Variants in COL5A3 observed in about 807,000 individuals in gnomAD.
COL5A3 encodes collagen alpha-3(V) chain.
A neutral mutation model predicts 250.0 loss-of-function variants in COL5A3; 172 were observed. That is an observed-to-expected ratio of 0.69 (90% CI 0.61 to 0.78). The LOEUF (loss-of-function observed/expected upper bound fraction) is 0.78, where lower values mean the gene tolerates loss of function less well. Ranked by LOEUF, COL5A3 falls within the 30% of genes least tolerant of loss-of-function variation. The probability of loss-of-function intolerance (pLI) is 0.00; values close to 1 mark genes in which losing one functional copy is unlikely to be tolerated. For missense variants in COL5A3, 2,340 were observed against 2,334.4 expected (o/e 1.00, Z -0.05); for synonymous variants, 937 against 900.4 (o/e 1.04, Z -0.73).
At position 9,976,603 on chromosome 19, in the gene COL5A3, A is replaced by T; in HGVS notation, c.3297T>A (p.Pro1099=). Residue 1099 remains proline, a synonymous_variant, in exon 45 of 67, where the codon CCT becomes CCA. Transcript: ENST00000264828. ...CAGGACCCCGTATCCCTGGTTGTCC[A>T]GGTGGGCCCTGGGAGAACAGGAAAC... is the stretch of plus-strand genomic sequence containing the variant. ...SKGDKGDAGP[P]GQPGIRGPAG... is the part of the protein sequence containing the mutation. 3 of 1,576,038 alleles carry T rather than the reference A, an allele frequency of 1.9e-6. No homozygotes were observed. The highest frequency in any genetic ancestry group is 2.6e-6 in the Non-Finnish European group (3 of 1,165,382).
In COL5A3 at chr19:9,966,726, A is replaced by G. The variant is rs763616893; in HGVS notation, c.4479T>C (p.His1493=). Reference sequence around the variant, plus strand: ...CGAAGCGCCGGCGCCTGCGCAGCCCATGCAGCTCGGCAGGGGCACCCTGGG... The same window carrying G: ...CGAAGCGCCGGCGCCTGCGCAGCCCGTGCAGCTCGGCAGGGGCACCCTGGG... ...PGPPGAPAEL[H]GLRRRRRFVP... Residue 1493 remains histidine (H), a synonymous_variant, in exon 63 of 67, where the codon CAT becomes CAC. Coordinates refer to ENST00000264828, the MANE Select transcript of COL5A3 (RefSeq NM_015719.4). 2 of 1,536,060 alleles carry G rather than the reference A, an allele frequency of 1.3e-6. No individual in the cohort carries two copies. The highest frequency in any genetic ancestry group is 2.4e-5 in the South Asian group (2 of 84,000).
At chr19:9,993,950 C>T (rs554570874) in intron 16 of COL5A3, 144 bp from the exon 17 acceptor site, 18 of 700,156 alleles carry the variant, frequency 2.6e-5, no homozygotes, top group East Asian at 1.1e-4. Context: ...TGCAGTGGCA[C>T]GTTCTCAGCT....
Position 9,997,399 on chromosome 19 carries a change from G to A in COL5A3, c.1235C>T (p.Pro412Leu), listed in dbSNP as rs777957384. ...VVGPSGPPGP[P>L]GFPGDPGPPG... The stretch of plus-strand genomic sequence containing the variant: ...TGGACCAGGGTCGCCAGGGAATCCT[G>A]GGGGGCCGGGAGGGCCTGAGGGGCC... Residue 412 changes from proline (P) to leucine (L), a missense_variant, in exon 11 of 67, where the codon CCA becomes CTA. This residue lies in a region of COL5A3 where 1,152 missense variants were observed against 1,146.3 expected (regional missense o/e 1.00). Coordinates refer to ENST00000264828, the MANE Select transcript of COL5A3 (RefSeq NM_015719.4). 6.2e-6 allele frequency: 10 copies of A among 1,609,264 alleles called. No homozygotes were observed. The highest frequency in any genetic ancestry group is 2.2e-5 in the East Asian group (1 of 44,792).
At position 9,979,384 on chromosome 19, in the gene COL5A3, C is replaced by G. The variant is rs376428115; in HGVS notation, c.2746G>C (p.Ala916Pro). The change falls in exon 38 of 67, where the codon GCT becomes CCT. Residue 916 changes from alanine (A) to proline (P), a missense_variant. Around this residue, in one of 3 missense-constraint regions of COL5A3, gnomAD observed 1,179 missense variants for 1,162.6 expected, o/e 1.01. Transcript: ENST00000264828. ...FQGQTGPPGP[A>P]GVLGPQGKTG... Reference sequence around the variant, plus strand: ...CTGACCTGAGGGCCTAAGACACCAGCTGGTCCAGGCGGGCCTGTCTGACCT... The same window carrying G: ...CTGACCTGAGGGCCTAAGACACCAGGTGGTCCAGGCGGGCCTGTCTGACCT... 1 of 1,614,116 alleles carries G rather than the reference C, an allele frequency of 6.2e-7. No homozygotes were observed. Among genetic ancestry groups the G allele is most frequent in the Non-Finnish European group, 8.5e-7 (1 of 1,180,008 alleles).
chr19:9,988,833 C>CAAAAAAAAAAAAAAAA (rs67181648), intron 27 of COL5A3, among the ~76,000 whole-genome samples: 3 of 39,420 alleles, frequency 7.6e-5, no homozygotes, highest in African/African-American at 1.2e-4. Flanking sequence ...GACTCTGTCT[C>CAAAAAAAAAAAAAAAA]AAAAAAAAAA....
intron 15 of COL5A3, 138 bp from the exon 16 acceptor site, chr19:9,995,755 C>T (rs959189240): frequency 4.8e-6 from 3 of 624,302 alleles, no homozygotes; most frequent in Non-Finnish European, 8.1e-6. Context: ...ATACTCCCTC[C>T]TCAGCCTCCC....
At chr19:9,992,987 C>CA in intron 20 of COL5A3, 36 bp downstream of exon 20, 1 of 1,611,692 alleles carries the variant, frequency 6.2e-7, no homozygotes, top group Non-Finnish European at 8.5e-7. Context: ...CCCTCCCCTG[C>CA]ACCAAGCAAG....
At chr19:9,970,295 G>GGA (rs2086818630) in intron 54 of COL5A3, among the ~76,000 whole-genome samples, 1 of 96,954 alleles carries the variant, frequency 1.0e-5, no homozygotes. Flanking sequence ...GTTGACTGAG[G>GGA]TCTGTGGGGT....
chr19:9,998,725 C>G (rs905696535), intron 8 of COL5A3, among the ~76,000 whole-genome samples: 1 of 151,550 alleles, frequency 6.6e-6, no homozygotes, highest in Non-Finnish European at 1.5e-5. Context: ...TGCTCTGTCC[C>G]CCAGGCTGGA....
At chr19:9,970,827 A>AT in intron 53 of COL5A3, 148 bp downstream of exon 53, 1 of 1,040,682 alleles carries the variant, frequency 9.6e-7, no homozygotes, top group Non-Finnish European at 1.3e-6. Context: ...AGCTGCTCAC[A>AT]TTCCTGGGGG....
In COL5A3 at chr19:9,968,903, G is replaced by A. The variant is rs532406726; in HGVS notation, c.4153-175C>T. 1.1e-5 allele frequency: 7 copies of A among 664,750 alleles called. No individual in the cohort carries two copies. In the Admixed American group the frequency reaches 1.1e-4, roughly 11 times the overall value. The allele number at this position is 664,750 out of a possible 1,614,324, so 41.2% of individuals were successfully genotyped here. On this transcript the variant is annotated intron_variant, in intron 57 of 66. Coordinates refer to ENST00000264828, the MANE Select transcript of COL5A3 (RefSeq NM_015719.4). This position sits in a 1 kb window ranked among gnomAD's most constrained non-coding sequence, Gnocchi z 4.1. ...AAGGTGGGATGATGAGAGCTAATGA[G>A]GGGTTGACTGGAGGATGGACAACGT...
In COL5A3 at chr19:9,989,383, C is replaced by G; in HGVS notation, c.2047-17G>C. Reference sequence around the variant, plus strand: ...TGGGTGACCCTGGGGAAGAAACATTCTCAGTTGTCAGAGACCAAAACTTGC... The same window carrying G: ...TGGGTGACCCTGGGGAAGAAACATTGTCAGTTGTCAGAGACCAAAACTTGC... On this transcript the variant is annotated splice_polypyrimidine_tract_variant and intron_variant, in intron 25 of 66. Coordinates refer to ENST00000264828, the MANE Select transcript of COL5A3 (RefSeq NM_015719.4). 1 of 1,614,200 alleles carries G rather than the reference C, an allele frequency of 6.2e-7. No homozygotes were observed. Among genetic ancestry groups the G allele is most frequent in the Non-Finnish European group, 8.5e-7 (1 of 1,180,006 alleles).
chr19:9,968,765 A>T lies in COL5A3; in HGVS notation c.4153-37T>A, dbSNP rs200628525. 2.6e-4 allele frequency: 412 copies of T among 1,582,244 alleles called. 1 individual carries two copies. The African/African-American group carries it at 5.0e-3, about 19-fold the overall frequency. Reference sequence around the variant, plus strand: ...GCAAGGGTCAGTTAGGGATTCTCAAATGTGAACTCGAGGTCTGTGTGGGTG... The same window carrying T: ...GCAAGGGTCAGTTAGGGATTCTCAATTGTGAACTCGAGGTCTGTGTGGGTG... On this transcript the variant is annotated intron_variant, in intron 57 of 66. Transcript: ENST00000264828. The surrounding 1 kb of genome is among the most constrained non-coding windows in gnomAD (Gnocchi z 4.1).
intron 54 of COL5A3, 35 bp from the exon 55 acceptor site, chr19:9,969,957 G>C (rs762829911): frequency 6.2e-7 from 1 of 1,603,472 alleles, no homozygotes; most frequent in Non-Finnish European, 8.5e-7. Flanking sequence ...GGGTCTAGGG[G>C]CTGACTGAGG....
intron 6 of COL5A3, 75 bp from the exon 7 acceptor site, chr19:10,001,956 T>G: frequency 9.9e-7 from 1 of 1,012,774 alleles, no homozygotes; most frequent in South Asian, 1.4e-5. Flanking sequence ...CCTCCCACTG[T>G]CCCCAGGAGC....
At position 9,971,268 on chromosome 19, in the gene COL5A3, A is replaced by G. The variant is rs368915926; in HGVS notation, c.3775-10T>C. The G allele has an allele frequency of 3.3e-5, 51 of 1,562,066 alleles. 1 individual carries two copies. In the African/African-American group the frequency reaches 6.7e-4, roughly 20 times the overall value. ...GCAGCCCCGTGGGGCCCTGGAACAC[A>G]GAATGATTAATAATCACATCTCTGA... On this transcript the variant is annotated splice_polypyrimidine_tract_variant and intron_variant, in intron 51 of 66. Transcript: ENST00000264828.
intron 51 of COL5A3, among the ~76,000 whole-genome samples, chr19:9,972,030 A>C (rs2086854947): frequency 6.6e-6 from 1 of 152,172 alleles, no homozygotes; most frequent in Non-Finnish European, 1.5e-5. Context: ...CTCTTCAGTC[A>C]TTTTGTTCAC....
At chr19:9,993,348 C>A in intron 19 of COL5A3, 32 bp downstream of exon 19, 1 of 1,612,436 alleles carries the variant, frequency 6.2e-7, no homozygotes, top group Non-Finnish European at 8.5e-7. Flanking sequence ...ACTTACTTTC[C>A]AAACCAGGCC....
intron 24 of COL5A3, among the ~76,000 whole-genome samples, chr19:9,989,813 G>C (rs1447147805): frequency 6.6e-6 from 1 of 152,122 alleles, no homozygotes; most frequent in Admixed American, 6.5e-5. Context: ...TGTCGCCCAG[G>C]TTGGAGTGCA....
Sources: allele counts gnomAD v4.1 joint callset (sites outside exome capture counted in the v4.1 genomes callset), GRCh38; gene constraint gnomAD v4.1.1; regional missense constraint gnomAD v4.1.1; non-coding constraint Gnocchi (gnomAD v3.1); transcripts MANE v1.5; gene names NCBI Gene and HGNC (gene_info 2026-07-23, HGNC 2026-07-21).